Variants in HDAC11 observed in about 807,000 individuals in gnomAD.
HDAC11 encodes the protein histone deacetylase 11.
Under a neutral mutation model 41.1 loss-of-function variants are expected in HDAC11, and 23 were observed. The observed-to-expected ratio is 0.56, with a 90% CI of 0.40 to 0.79. HDAC11 has a LOEUF of 0.79. Ranked by LOEUF, HDAC11 falls within the 30% of genes least tolerant of loss-of-function variation. HDAC11 has a pLI of 0.00. For missense variants in HDAC11, 402 were observed against 477.3 expected (o/e 0.84, Z 1.47); for synonymous variants, 187 against 186.6 (o/e 1.00, Z -0.02).
intron 3 of HDAC11, among the ~76,000 whole-genome samples, chr3:13,487,910 G>A (rs1701669820): frequency 6.6e-6 from 1 of 152,042 alleles, no homozygotes; most frequent in African/African-American, 2.4e-5. Flanking sequence ...CAGCAGAAAA[G>A]GGGTGGGGAG....
chr3:13,500,634 G>A, intron 5 of HDAC11, 79 bp from the exon 6 acceptor site: 1 of 1,124,420 alleles, frequency 8.9e-7, no homozygotes, highest in African/African-American at 1.5e-5. Context: ...GATGCTGGGG[G>A]AGGTGAAGGG....
chr3:13,483,907 T>C (rs1183676784), intron 3 of HDAC11, among the ~76,000 whole-genome samples: 3 of 152,300 alleles, frequency 2.0e-5, no homozygotes, highest in South Asian at 2.1e-4. Flanking sequence ...CCTCCAACCA[T>C]ACATAGCTCT....
At chr3:13,503,032 C>G (rs1479768603) in intron 8 of HDAC11, 52 bp downstream of exon 8, 2 of 1,381,750 alleles carry the variant, frequency 1.4e-6, no homozygotes, top group African/African-American at 1.4e-5. Context: ...GGATGAGGCT[C>G]TCTCCTGAGT....
At chr3:13,492,839 T>A (rs1701928627) in intron 3 of HDAC11, among the ~76,000 whole-genome samples, 1 of 152,212 alleles carries the variant, frequency 6.6e-6, no homozygotes, top group African/African-American at 2.4e-5. Flanking sequence ...CCACCAAGCC[T>A]GGCTGGGTGT....
intron 3 of HDAC11, among the ~76,000 whole-genome samples, chr3:13,483,807 C>T (rs561371617): frequency 1.3e-5 from 2 of 152,260 alleles, no homozygotes; most frequent in South Asian, 2.1e-4. Flanking sequence ...TTCTCCAGGG[C>T]GTATGAAAGC....
intron 3 of HDAC11, among the ~76,000 whole-genome samples, chr3:13,486,571 G>GTTTTTTTTTTTTTTTTTTTTTTT: frequency 1.2e-5 from 1 of 83,046 alleles, no homozygotes; most frequent in Non-Finnish European, 2.2e-5. Flanking sequence ...ATGTAGAGGT[G>GTTTTTTTTTTTTTTTTTTTTTTT]TTTTTTTTTT....
Position 13,505,782 on chromosome 3 carries a change from C to T in HDAC11, c.*1099C>T, listed in dbSNP as rs1702594574. ...AAGTGCCTGGGCCCCAATCCTTCTCCATGCCCAGGGGCCCCAGGTGGGCCA... is the reference window on the plus strand; with the variant it reads ...AAGTGCCTGGGCCCCAATCCTTCTCTATGCCCAGGGGCCCCAGGTGGGCCA... On this transcript the variant is annotated 3_prime_UTR_variant, in exon 10 of 10. Coordinates refer to ENST00000295757, the MANE Select transcript of HDAC11 (RefSeq NM_024827.4). 6.6e-6 allele frequency: 1 copy of T among 152,330 alleles called. No individual in the cohort carries two copies. The highest frequency in any genetic ancestry group is 6.5e-5 in the Admixed American group (1 of 15,294). 9.4% of individuals were successfully genotyped at this position (152,330 alleles called of 1,614,324 possible).
rs1422515790 is a variant in HDAC11 at position 13,483,608 on chromosome 3, G to A, written c.252+44G>A. The A allele has an allele frequency of 3.3e-6, 5 of 1,510,488 alleles. No homozygotes were observed. In the South Asian group the frequency reaches 3.4e-5, roughly 10 times the overall value. 93.6% of individuals were successfully genotyped at this position (1,510,488 alleles called of 1,614,324 possible). ...GGGGGGCTGCGGGCCTGGGGCAGGG[G>A]GCTGCTGGCCAGGAGTGGCCAGAGG... On this transcript the variant is annotated intron_variant, in intron 3 of 9. Transcript: ENST00000295757.
chr3:13,490,207 T>G (rs533210624), intron 3 of HDAC11, among the ~76,000 whole-genome samples: 57 of 152,206 alleles, frequency 3.7e-4, no homozygotes, highest in African/African-American at 1.4e-3. Context: ...TTGGTCAGGT[T>G]GGTCTCAAAC....
At chr3:13,492,751 C>T (rs1447054112) in intron 3 of HDAC11, among the ~76,000 whole-genome samples, 1 of 152,114 alleles carries the variant, frequency 6.6e-6, no homozygotes, top group Non-Finnish European at 1.5e-5. Context: ...ACCATGTTGG[C>T]CAGGCTGGTC....
chr3:13,504,767 C>A lies in HDAC11; in HGVS notation c.*84C>A, dbSNP rs1702544897. 3 of 1,234,128 alleles carry A rather than the reference C, an allele frequency of 2.4e-6. No individual in the cohort carries two copies. 76.4% of individuals were successfully genotyped at this position (1,234,128 alleles called of 1,614,324 possible). A position where few individuals can be genotyped will look rare whatever the true frequency, so the allele number is the denominator to read the frequency against. ...TTCTAACCTCATGGGGTGGTGGAGG[C>A]AGCCTTCAGTGAGCATGGAGGGGCA... On this transcript the variant is annotated 3_prime_UTR_variant, in exon 10 of 10. Coordinates refer to ENST00000295757, the MANE Select transcript of HDAC11 (RefSeq NM_024827.4).
intron 3 of HDAC11, among the ~76,000 whole-genome samples, chr3:13,486,400 G>A (rs953623680): frequency 1.3e-5 from 2 of 151,780 alleles, no homozygotes; most frequent in Non-Finnish European, 2.9e-5. Flanking sequence ...CATTTGAGTC[G>A]TGGAAGATTA....
At chr3:13,490,736 A>ATTTTTTTTTTTTTTTTTTTTTT (rs796300897) in intron 3 of HDAC11, among the ~76,000 whole-genome samples, 1 of 75,606 alleles carries the variant, frequency 1.3e-5, no homozygotes, top group Non-Finnish European at 2.8e-5. Context: ...GTTTCTTAGC[A>ATTTTTTTTTTTTTTTTTTTTTT]TTTTTTTCTT....
At chr3:13,495,799 A>G (rs1702071124) in intron 3 of HDAC11, among the ~76,000 whole-genome samples, 1 of 152,102 alleles carries the variant, frequency 6.6e-6, no homozygotes, top group South Asian at 2.1e-4. Context: ...CTGCATCTGG[A>G]TAACTCCTAT....
chr3:13,487,644 G>T (rs1701657881), intron 3 of HDAC11, among the ~76,000 whole-genome samples: 1 of 152,106 alleles, frequency 6.6e-6, no homozygotes, highest in Non-Finnish European at 1.5e-5. Flanking sequence ...TGGAGTGTCG[G>T]TTAGTGCTGG....
chr3:13,489,105 T>C (rs1041257538), intron 3 of HDAC11, among the ~76,000 whole-genome samples: 4 of 152,212 alleles, frequency 2.6e-5, no homozygotes, highest in Non-Finnish European at 4.4e-5. Context: ...AAAATTGGCT[T>C]GTCTTTTTGT....
chr3:13,502,206 G>A lies in HDAC11; in HGVS notation c.552+273G>A, dbSNP rs551703316. On this transcript the variant is annotated intron_variant, in intron 7 of 9. Coordinates refer to ENST00000295757, the MANE Select transcript of HDAC11 (RefSeq NM_024827.4). The surrounding 1 kb of genome is among the most constrained non-coding windows in gnomAD (Gnocchi z 4.1). ...CACTCTGATGGGACTGCTCTCGTGT[G>A]CAGAGCTCTGCTGTGGGTCCCCATT... The A allele has an allele frequency of 6.3e-6, 3 of 472,554 alleles. No individual in the cohort carries two copies. Among genetic ancestry groups the A allele is most frequent in the East Asian group, 7.0e-5 (2 of 28,554 alleles). The allele number at this position is 472,554 out of a possible 1,614,324, so 29.3% of individuals were successfully genotyped here.
Position 13,480,512 on chromosome 3 carries a change from G to A in HDAC11, c.2+163G>A. 2.8e-6 allele frequency: 1 copy of A among 354,216 alleles called. No homozygotes were observed. The highest frequency in any genetic ancestry group is 4.9e-6 in the Non-Finnish European group (1 of 205,868). 21.9% of individuals were successfully genotyped at this position (354,216 alleles called of 1,614,324 possible). On this transcript the variant is annotated intron_variant, in intron 1 of 9. Transcript: ENST00000295757. This position sits in a 1 kb window ranked among gnomAD's most constrained non-coding sequence, Gnocchi z 4.6. ...GGGACGGGTGTTTCCAGGCCCTCCC[G>A]GCGCGCCAGGCCAGCCCCGCGCCCC...
At chr3:13,497,367 C>T (rs767961964) in intron 4 of HDAC11, among the ~76,000 whole-genome samples, 3 of 151,866 alleles carry the variant, frequency 2.0e-5, no homozygotes, top group Non-Finnish European at 4.4e-5. Context: ...TTAGTAGAGA[C>T]GGGGTTTTAC....
Sources: allele counts gnomAD v4.1 joint callset (sites outside exome capture counted in the v4.1 genomes callset), GRCh38; gene constraint gnomAD v4.1.1; non-coding constraint Gnocchi (gnomAD v3.1); transcripts MANE v1.5; gene names NCBI Gene and HGNC (gene_info 2026-07-23, HGNC 2026-07-21).